The following TMEFF1 variants were observed in gnomAD, a reference collection of about 807,000 sequenced individuals.
TMEFF1 encodes the protein transmembrane protein with EGF like and two follistatin like domains 1.
In TMEFF1, 20 loss-of-function variants were observed where a neutral mutation model predicts 47.5. That is an observed-to-expected ratio of 0.42 (90% CI 0.30 to 0.61). The LOEUF (loss-of-function observed/expected upper bound fraction) is 0.61, where lower values mean the gene tolerates loss of function less well. Ranked by LOEUF, TMEFF1 falls within the 20% of genes least tolerant of loss-of-function variation. The pLI, the probability that TMEFF1 is intolerant of heterozygous loss-of-function variation, is 0.19. For synonymous variants in TMEFF1, 162 were observed against 166.3 expected, an observed-to-expected ratio of 0.97 and a Z score of 0.20; for missense variants, 411 against 471.1, an observed-to-expected ratio of 0.87 and a Z score of 1.18.
chr9:100,567,084 C>T (rs531761133), intron 8 of TMEFF1, among the ~76,000 whole-genome samples: 1 of 152,098 alleles, frequency 6.6e-6, no homozygotes, highest in Non-Finnish European at 1.5e-5. Flanking sequence ...CCAGTGGTTC[C>T]TTCATCTCAC....
Position 100,576,588 on chromosome 9 carries a change from C to T in TMEFF1, c.1131C>T (p.Ser377=). 4 of 1,613,100 alleles carry T rather than the reference C, an allele frequency of 2.5e-6. No homozygotes were observed. Among genetic ancestry groups the T allele is most frequent in the Non-Finnish European group, 3.4e-6 (4 of 1,179,544 alleles). ...GTCATTTTACTTCAGATACGTCATC[C>T]AGAATGGTTTAAACTGATGACTTTT... is the stretch of plus-strand genomic sequence containing the variant. ...NLGHFTSDTS[S]RMV Residue 377 remains serine, a synonymous_variant, in exon 10 of 10, where the codon TCC becomes TCT. Coordinates refer to ENST00000374879, the MANE Select transcript of TMEFF1 (RefSeq NM_003692.5).
intron 1 of TMEFF1, among the ~76,000 whole-genome samples, chr9:100,482,789 CT>C (rs1214635210): frequency 1.3e-5 from 2 of 152,084 alleles, no homozygotes; most frequent in Non-Finnish European, 2.9e-5. Context: ...GATGGGAGAC[CT>C]TATTTCTCCA....
At chr9:100,536,736 C>G (rs1838519459) in intron 5 of TMEFF1, among the ~76,000 whole-genome samples, 1 of 152,094 alleles carries the variant, frequency 6.6e-6, no homozygotes, top group Non-Finnish European at 1.5e-5. Flanking sequence ...TGAGCCTTAA[C>G]TGTAATGTAT....
At chr9:100,560,331 G>GT (rs1838991214) in intron 7 of TMEFF1, among the ~76,000 whole-genome samples, 10 of 152,116 alleles carry the variant, frequency 6.6e-5, no homozygotes, top group African/African-American at 2.4e-4. Flanking sequence ...TAAGAGGGTA[G>GT]TATACTGCAG....
At chr9:100,506,766 C>CA (rs58345253) in intron 2 of TMEFF1, among the ~76,000 whole-genome samples, 5,410 of 42,884 alleles carry the variant, frequency 0.13, 509 homozygotes, top group Non-Finnish European at 0.18. Flanking sequence ...GACTCCATCT[C>CA]AAAAAAAAAA....
intron 8 of TMEFF1, among the ~76,000 whole-genome samples, chr9:100,562,511 T>C (rs760283790): frequency 4.6e-5 from 7 of 152,196 alleles, no homozygotes; most frequent in Non-Finnish European, 8.8e-5. Flanking sequence ...TTAAGACATT[T>C]GCTTTTTCCT....
At chr9:100,481,062 T>C (rs1314454946) in intron 1 of TMEFF1, among the ~76,000 whole-genome samples, 1 of 152,218 alleles carries the variant, frequency 6.6e-6, no homozygotes, top group African/African-American at 2.4e-5. Context: ...GCTTGGAATC[T>C]TCTTGTCCCA....
intron 8 of TMEFF1, among the ~76,000 whole-genome samples, chr9:100,566,322 T>C (rs1839124525): frequency 6.6e-6 from 1 of 152,184 alleles, no homozygotes; most frequent in African/African-American, 2.4e-5. Context: ...TTGAAACTCG[T>C]AGATCCATAT....
intron 1 of TMEFF1, among the ~76,000 whole-genome samples, chr9:100,478,314 T>TTTTG (rs370008102): frequency 5.9e-5 from 9 of 152,134 alleles, no homozygotes; most frequent in African/African-American, 9.7e-5. Context: ...AACAAGACTT[T>TTTTG]TTTGTTTGTT....
chr9:100,535,203 T>C (rs1243536103), intron 5 of TMEFF1, among the ~76,000 whole-genome samples: 1 of 152,218 alleles, frequency 6.6e-6, no homozygotes, highest in Non-Finnish European at 1.5e-5. Flanking sequence ...TGTACTTTTT[T>C]CCCCCTTGTT....
At chr9:100,561,641 A>G in intron 8 of TMEFF1, 121 bp downstream of exon 8, 2 of 1,340,118 alleles carry the variant, frequency 1.5e-6, no homozygotes, top group Non-Finnish European at 1.9e-6. Context: ...TGCAGTAGAC[A>G]AGTAAAAAAC....
chr9:100,489,238 G>T (rs1326231874), intron 1 of TMEFF1, among the ~76,000 whole-genome samples: 1 of 151,960 alleles, frequency 6.6e-6, no homozygotes, highest in Non-Finnish European at 1.5e-5. Context: ...TTGGAGATAA[G>T]ATCTCTGTTC....
rs145510439 is a variant in TMEFF1, at chr9:100,526,300, C to T, written c.560+9529C>T. On this transcript the variant is annotated intron_variant, in intron 5 of 9. Coordinates refer to ENST00000374879, the MANE Select transcript of TMEFF1 (RefSeq NM_003692.5). The stretch of plus-strand genomic sequence containing the variant: ...TAGTGATATCTCACAATGTTATGCC[C>T]TTTCCTAGATACTTACTGACTTCCA... Among the ~76,000 whole-genome samples, 1,264 of 152,208 alleles carry T rather than the reference C, an allele frequency of 8.3e-3. 31 individuals are homozygous for T. Among genetic ancestry groups the T allele is most frequent in the Admixed American group, 0.058 (885 of 15,302 alleles).
intron 5 of TMEFF1, among the ~76,000 whole-genome samples, chr9:100,532,399 AAAAC>A (rs1198045095): frequency 1.3e-5 from 2 of 152,104 alleles, no homozygotes; most frequent in African/African-American, 4.8e-5. Flanking sequence ...TTACAAGAAA[AAAAC>A]AACCCCATCA....
chr9:100,534,592 G>A (rs1045139464), intron 5 of TMEFF1, among the ~76,000 whole-genome samples: 9 of 152,014 alleles, frequency 5.9e-5, no homozygotes, highest in Admixed American at 2.0e-4. Context: ...TTCCTCCTTC[G>A]CTCATTGTTT....
At chr9:100,525,726 C>T (rs1838242839) in intron 5 of TMEFF1, among the ~76,000 whole-genome samples, 1 of 152,142 alleles carries the variant, frequency 6.6e-6, no homozygotes, top group Non-Finnish European at 1.5e-5. Flanking sequence ...CCTCTAATCA[C>T]TGTGGTTGGT....
chr9:100,490,140 C>T (rs944300792), intron 1 of TMEFF1, among the ~76,000 whole-genome samples: 7 of 152,052 alleles, frequency 4.6e-5, no homozygotes, highest in African/African-American at 1.7e-4. Flanking sequence ...TGGAGTCAGA[C>T]GATTGTGTGG....
intron 7 of TMEFF1, among the ~76,000 whole-genome samples, chr9:100,555,784 G>A (rs1838904606): frequency 6.6e-6 from 1 of 152,160 alleles, no homozygotes; most frequent in South Asian, 2.1e-4. Context: ...TGGTTCATAA[G>A]TGACATCAGT....
intron 3 of TMEFF1, among the ~76,000 whole-genome samples, chr9:100,509,717 T>C (rs1356075363): frequency 6.8e-6 from 1 of 147,918 alleles, no homozygotes; most frequent in African/African-American, 2.5e-5. Flanking sequence ...GAGCTTGCAG[T>C]GAGCCAAGAT....
Sources: allele counts gnomAD v4.1 joint callset (sites outside exome capture counted in the v4.1 genomes callset), GRCh38; gene constraint gnomAD v4.1.1; transcripts MANE v1.5; gene names NCBI Gene and HGNC (gene_info 2026-07-23, HGNC 2026-07-21).